USP53: variants seen among roughly 807,000 people sequenced by gnomAD.
The protein encoded by USP53 is ubiquitin specific peptidase 53.
USP53 carries 71 observed loss-of-function variants against 94.9 expected under a neutral mutation model. The ratio of observed to expected loss-of-function variants is 0.75; its 90% CI spans 0.62 to 0.91. The LOEUF is 0.91. Ranked by LOEUF, USP53 falls within the 40% of genes least tolerant of loss-of-function variation. USP53 has a pLI of 0.00. For synonymous variants in USP53, 375 were observed against 422.7 expected, an observed-to-expected ratio of 0.89 and a Z score of 1.39; for missense variants, 1,173 against 1,281.0, an observed-to-expected ratio of 0.92 and a Z score of 1.29.
rs1031988096 is a variant in USP53 at position 119,271,566 on chromosome 4, G to C, written c.1706G>C (p.Arg569Thr). ...GACAGCAGCCAAGATTCTAGGGATA[G>C]AGGAAACAGCTGTGATAGCAGCAGT... ...DTDSSQDSRD[R>T]GNSCDSSSKS... Residue 569 changes from arginine to threonine, a missense_variant, in exon 16 of 19, where the codon AGA (arginine) becomes ACA (threonine). Transcript: ENST00000692078. The C allele has an allele frequency of 1.2e-6, 2 of 1,613,766 alleles. No individual in the cohort carries two copies. The highest frequency in any genetic ancestry group is 1.7e-6 in the Non-Finnish European group (2 of 1,180,028).
Position 119,272,024 on chromosome 4 carries a change from G to C in USP53, c.2164G>C (p.Val722Leu), listed in dbSNP as rs1159896663. 1 of 1,577,692 alleles carries C rather than the reference G, an allele frequency of 6.3e-7. No homozygotes were observed. The change falls in exon 16 of 19, where the codon GTA (valine) becomes CTA (leucine). Residue 722 changes from valine (V) to leucine (L), a missense_variant. Physicochemically the swap from Val to Leu is conservative, Grantham distance 32 (BLOSUM62 1). Coordinates refer to ENST00000692078, the MANE Select transcript of USP53 (RefSeq NM_001371395.1). ...VMDISGVKETVCFSDQITTSN... is the reference protein window; with the variant it reads ...VMDISGVKETLCFSDQITTSN... ...GGATATCAGTGGTGTTAAAGAAACA[G>C]TATGCTTCAGGTAATGTAAAAGTTG...
chr4:119,266,293 C>T (rs1751114320), intron 12 of USP53: 1 of 455,790 alleles, frequency 2.2e-6, no homozygotes, highest in African/African-American at 2.0e-5. Flanking sequence ...TTTTCCGTTG[C>T]TGTTAGATAA....
intron 3 of USP53, among the ~76,000 whole-genome samples, chr4:119,229,275 G>C (rs1006934296): frequency 6.6e-6 from 1 of 152,126 alleles, no homozygotes; most frequent in Non-Finnish European, 1.5e-5. Context: ...TGGTGTTTCT[G>C]ATATTCTTTC....
chr4:119,275,274 A>G (rs1752466679), intron 17 of USP53, among the ~76,000 whole-genome samples: 2 of 99,834 alleles, frequency 2.0e-5, no homozygotes, highest in South Asian at 3.0e-4. Context: ...TGATTTTTGT[A>G]TAAGGTGTAA....
intron 7 of USP53, among the ~76,000 whole-genome samples, chr4:119,255,689 G>GGCTAGGAAAGGGAAGC (rs1334331065): frequency 6.6e-6 from 1 of 152,148 alleles, no homozygotes; most frequent in African/African-American, 2.4e-5. Flanking sequence ...GAAATCCCCT[G>GGCTAGGAAAGGGAAGC]ACCCCTTGTG....
intron 16 of USP53, 145 bp downstream of exon 16, chr4:119,272,179 T>A: frequency 1.4e-6 from 1 of 730,392 alleles, no homozygotes; most frequent in Non-Finnish European, 2.1e-6. Context: ...TTGTTTCTTT[T>A]AAACACAAGT....
At chr4:119,226,377 A>G (rs573954750) in intron 3 of USP53, among the ~76,000 whole-genome samples, 54 of 152,354 alleles carry the variant, frequency 3.5e-4, no homozygotes, top group African/African-American at 1.2e-3. Flanking sequence ...CAAGAAGTAA[A>G]AGTATCTAAG....
rs1292702121 is a variant in USP53, at chr4:119,278,240, G to A, written c.2251+4532G>A. 7.0e-3 allele frequency among the ~76,000 whole-genome samples: 1,053 copies of A among 150,198 alleles called. 12 individuals carry two copies. Among genetic ancestry groups the A allele is most frequent in the African/African-American group, 0.024 (995 of 40,780 alleles). On this transcript the variant is annotated intron_variant, in intron 17 of 18. Coordinates refer to ENST00000692078, the MANE Select transcript of USP53 (RefSeq NM_001371395.1). ...GCATGATTTTGCAGCGGCTGGTACC[G>A]GTTGTTCCTTTCCATGTTTAGCGCT...
At chr4:119,279,736 T>C (rs1286518033) in intron 17 of USP53, among the ~76,000 whole-genome samples, 1 of 152,218 alleles carries the variant, frequency 6.6e-6, no homozygotes, top group Non-Finnish European at 1.5e-5. Context: ...CAGACTGCTG[T>C]GCTAGCAGTC....
intron 16 of USP53, chr4:119,273,315 CAAA>C (rs11366529): frequency 1.6e-3 from 227 of 141,408 alleles, no homozygotes; most frequent in South Asian, 2.6e-3. Flanking sequence ...GGTCCTGGCT[CAAA>C]AAAAAAAAAA....
At position 119,293,506 on chromosome 4, in the gene USP53, A is replaced by C. The variant is rs1434722158; in HGVS notation, c.*295A>C. On this transcript the variant is annotated 3_prime_UTR_variant, in exon 19 of 19. Coordinates refer to ENST00000692078, the MANE Select transcript of USP53 (RefSeq NM_001371395.1). ...TTAGATATTTTAGAAATTCCCTTTGAATAGTCTTGGCGTGCCGTGAAAAAT... is the reference window on the plus strand; with the variant it reads ...TTAGATATTTTAGAAATTCCCTTTGCATAGTCTTGGCGTGCCGTGAAAAAT... 1 of 238,230 alleles carries C rather than the reference A, an allele frequency of 4.2e-6. No homozygotes were observed. The highest frequency in any genetic ancestry group is 8.0e-6 in the Non-Finnish European group (1 of 124,744). 14.8% of individuals were successfully genotyped at this position (238,230 alleles called of 1,614,324 possible).
At chr4:119,290,052 T>G (rs570451324) in intron 17 of USP53, among the ~76,000 whole-genome samples, 1 of 152,158 alleles carries the variant, frequency 6.6e-6, no homozygotes, top group Admixed American at 6.5e-5. Context: ...GAAATCCAAA[T>G]GTAGATAATG....
chr4:119,291,156 C>T lies in USP53; in HGVS notation c.2252-9C>T. 3 of 1,306,172 alleles carry T rather than the reference C, an allele frequency of 2.3e-6. No homozygotes were observed. The highest frequency in any genetic ancestry group is 3.1e-6 in the Non-Finnish European group (3 of 954,506). The allele number at this position is 1,306,172 out of a possible 1,614,324, so 80.9% of individuals were successfully genotyped here. ...CCTCATCTCTTCTCCCCACCCCACC[C>T]AACCCTAGGCTTTAGAAAAGAACTC... On this transcript the variant is annotated splice_polypyrimidine_tract_variant and intron_variant, in intron 17 of 18. Transcript: ENST00000692078.
chr4:119,269,402 A>G (rs757711237), intron 14 of USP53, among the ~76,000 whole-genome samples: 25 of 152,212 alleles, frequency 1.6e-4, no homozygotes, highest in Non-Finnish European at 1.8e-4. Context: ...ACTGGCAAAT[A>G]GTGACCATTC....
chr4:119,239,154 G>A (rs1232754779), intron 4 of USP53, 64 bp from the exon 5 acceptor site: 3 of 151,900 alleles, frequency 2.0e-5, no homozygotes, highest in African/African-American at 4.8e-5. Context: ...GTGTTCAAAT[G>A]GTAAAGTTAA....
chr4:119,280,068 G>A (rs568376080), intron 17 of USP53, among the ~76,000 whole-genome samples: 173 of 152,256 alleles, frequency 1.1e-3, no homozygotes, highest in African/African-American at 3.9e-3. Flanking sequence ...CTTCTGCGTC[G>A]CTCACGCTGG....
At chr4:119,285,029 G>C (rs974550781) in intron 17 of USP53, among the ~76,000 whole-genome samples, 2 of 151,912 alleles carry the variant, frequency 1.3e-5, no homozygotes, top group African/African-American at 4.8e-5. Flanking sequence ...TTTTCAAGTG[G>C]ACATGCTTGG....
intron 5 of USP53, among the ~76,000 whole-genome samples, chr4:119,244,653 G>C (rs1056073305): frequency 6.6e-6 from 1 of 152,134 alleles, no homozygotes; most frequent in Non-Finnish European, 1.5e-5. Context: ...TTTTCAGAAT[G>C]ATTTTAAGTA....
intron 5 of USP53, among the ~76,000 whole-genome samples, chr4:119,244,273 C>T (rs1293408213): frequency 2.6e-5 from 4 of 152,156 alleles, no homozygotes; most frequent in Admixed American, 6.5e-5. Flanking sequence ...GGATCCTATT[C>T]ATTATGCTTT....
Sources: gnomAD v4.1 joint callset for allele counts (sites outside exome capture counted in the v4.1 genomes callset) on GRCh38, gnomAD v4.1.1 for gene constraint, MANE v1.5 for transcripts, NCBI Gene and HGNC (gene_info 2026-07-23, HGNC 2026-07-21) for gene names.